Variants in CDH6 observed in about 807,000 individuals in gnomAD.
The protein encoded by CDH6 is cadherin-6.
Under a neutral mutation model 78.0 loss-of-function variants are expected in CDH6, and 31 were observed. That is an observed-to-expected ratio of 0.40 (90% confidence interval 0.30 to 0.54). The LOEUF (loss-of-function observed/expected upper bound fraction) is 0.54. Among genes scored for constraint, CDH6 ranks in the 20% least tolerant of loss-of-function variants. CDH6 has a pLI of 0.56. For synonymous variants in CDH6, 376 were observed against 368.8 expected (o/e 1.02, Z -0.23); for missense variants, 724 against 975.9 (o/e 0.74, Z 3.44).
At chr5:31,195,675 G>T (rs971406365) in intron 1 of CDH6, among the ~76,000 whole-genome samples, 1 of 152,208 alleles carries the variant, frequency 6.6e-6, no homozygotes, top group African/African-American at 2.4e-5. Context: ...CCAGAGGCCA[G>T]ATTGTCAATG....
At chr5:31,210,852 G>A (rs1226491641) in intron 1 of CDH6, among the ~76,000 whole-genome samples, 1 of 151,882 alleles carries the variant, frequency 6.6e-6, no homozygotes, top group Non-Finnish European at 1.5e-5. Flanking sequence ...CATGATTGGT[G>A]GAATCTGTGG....
chr5:31,286,912 G>C (rs1351412231), intron 2 of CDH6, among the ~76,000 whole-genome samples: 1 of 152,216 alleles, frequency 6.6e-6, no homozygotes, highest in South Asian at 2.1e-4. Flanking sequence ...TAGAGTTGGT[G>C]GCTTAATGAA....
intron 2 of CDH6, among the ~76,000 whole-genome samples, chr5:31,283,416 G>A (rs916201882): frequency 2.0e-5 from 3 of 152,096 alleles, no homozygotes; most frequent in South Asian, 2.1e-4. Flanking sequence ...CTTATTCATC[G>A]TGCCATGCTG....
rs1166753646 is a variant in CDH6 at position 31,317,785 on chromosome 5, T to C, written c.1743T>C (p.Thr581=). The change falls in exon 11 of 12, where the codon ACT becomes ACC. Residue 581 remains threonine (T), a synonymous_variant. Coordinates refer to ENST00000265071, the MANE Select transcript of CDH6 (RefSeq NM_004932.4). ...SDNDYPVQSS[T]GTVTVRVCAC... is the part of the protein sequence containing the mutation. ...ACGACTACCCAGTTCAAAGCAGCAC[T>C]GGGACAGTGACTGTCCGGGTCTGTG... The C allele has an allele frequency of 6.2e-7, 1 of 1,614,200 alleles. No homozygotes were observed. The highest frequency in any genetic ancestry group is 8.5e-7 in the Non-Finnish European group (1 of 1,180,042).
At chr5:31,263,315 A>C (rs967063987) in intron 1 of CDH6, among the ~76,000 whole-genome samples, 24 of 150,332 alleles carry the variant, frequency 1.6e-4, no homozygotes, top group Admixed American at 1.5e-3. Flanking sequence ...CTGGAGTGCA[A>C]TAGCATGATC....
intron 1 of CDH6, among the ~76,000 whole-genome samples, chr5:31,204,014 A>G (rs1010349361): frequency 3.9e-5 from 6 of 152,170 alleles, no homozygotes; most frequent in African/African-American, 1.4e-4. Flanking sequence ...GTGGTCCCAA[A>G]CCTCCAGATA....
chr5:31,326,692 T>A lies in CDH6; in HGVS notation c.*3384T>A, dbSNP rs1279856943. 6.4e-6 allele frequency: 1 copy of A among 156,066 alleles called. No individual in the cohort carries two copies. The highest frequency in any genetic ancestry group is 1.4e-5 in the Non-Finnish European group (1 of 74,062). 9.7% of individuals were successfully genotyped at this position (156,066 alleles called of 1,614,324 possible). Reference sequence around the variant, plus strand: ...CAGAAAATCTTAAAATTTTTTTTTTTTTTTTTTTTTTTTTTTTGAGACAGA... The same window carrying A: ...CAGAAAATCTTAAAATTTTTTTTTTATTTTTTTTTTTTTTTTTGAGACAGA... On this transcript the variant is annotated 3_prime_UTR_variant, in exon 12 of 12. Transcript: ENST00000265071.
chr5:31,322,379 G>A (rs1335608937), intron 11 of CDH6, among the ~76,000 whole-genome samples: 4 of 151,898 alleles, frequency 2.6e-5, no homozygotes, highest in Non-Finnish European at 5.9e-5. Flanking sequence ...TTTAGATGTG[G>A]AGTTGTGCAA....
chr5:31,257,951 C>G (rs904819414), intron 1 of CDH6, among the ~76,000 whole-genome samples: 5 of 152,144 alleles, frequency 3.3e-5, no homozygotes, highest in African/African-American at 1.2e-4. Flanking sequence ...CACTCACTAG[C>G]TATGTACTCT....
At chr5:31,280,867 ATGAGGAGAGCTTT>A (rs1421383458) in intron 2 of CDH6, among the ~76,000 whole-genome samples, 7 of 151,332 alleles carry the variant, frequency 4.6e-5, no homozygotes, top group African/African-American at 1.7e-4. Context: ...AATGAGGAGG[ATGAGGAGAGCTTT>A]TGAAATCTAA....
chr5:31,231,741 A>G (rs777045967), intron 1 of CDH6, among the ~76,000 whole-genome samples: 1 of 152,230 alleles, frequency 6.6e-6, no homozygotes, highest in Non-Finnish European at 1.5e-5. Flanking sequence ...TAATCCATGC[A>G]TGAACCTCTT....
rs967915329 is a variant in CDH6 at position 31,297,297 on chromosome 5, G to T, written c.532G>T (p.Val178Phe). 1 of 1,611,482 alleles carries T rather than the reference G, an allele frequency of 6.2e-7. No individual in the cohort carries two copies. The highest frequency in any genetic ancestry group is 8.5e-7 in the Non-Finnish European group (1 of 1,177,844). Residue 178 changes from valine (V) to phenylalanine (F), a missense_variant, in exon 4 of 12, where the codon GTT becomes TTT. Physicochemically the swap from Val to Phe is conservative, Grantham distance 50 (BLOSUM62 -1). This residue lies in a region of CDH6 where 446 missense variants were observed against 684.5 expected (regional missense o/e 0.65). Transcript: ENST00000265071. The part of the protein sequence containing the change: ...VPEMSDVGTF[V>F]VQVTATDADD... ...TATTTCTGTCATTACAGGTACATTT[G>T]TTGTCCAAGTCACTGCGACGGATGC... is the stretch of plus-strand genomic sequence containing the variant.
At chr5:31,203,573 G>C (rs1740430838) in intron 1 of CDH6, among the ~76,000 whole-genome samples, 1 of 147,166 alleles carries the variant, frequency 6.8e-6, no homozygotes, top group South Asian at 2.2e-4. Flanking sequence ...CAAAGGACAT[G>C]AACTCATCAT....
intron 1 of CDH6, among the ~76,000 whole-genome samples, chr5:31,241,207 G>A (rs914609335): frequency 6.6e-6 from 1 of 152,210 alleles, no homozygotes; most frequent in African/African-American, 2.4e-5. Context: ...TACTCTCTGT[G>A]TGGCTGGCAT....
chr5:31,227,653 C>G (rs1438492218), intron 1 of CDH6, among the ~76,000 whole-genome samples: 1 of 152,110 alleles, frequency 6.6e-6, no homozygotes, highest in African/African-American at 2.4e-5. Context: ...GAATTTACAT[C>G]CTTTTGGCCT....
chr5:31,233,520 A>AAAAC (rs1741373060), intron 1 of CDH6, among the ~76,000 whole-genome samples: 1 of 149,844 alleles, frequency 6.7e-6, no homozygotes. Flanking sequence ...GTCTCAAAAA[A>AAAAC]AAAAAACAAA....
chr5:31,322,344 A>AAAAAAGGC (rs1005269659), intron 11 of CDH6, among the ~76,000 whole-genome samples: 2 of 152,076 alleles, frequency 1.3e-5, no homozygotes, highest in Non-Finnish European at 2.9e-5. Context: ...AGGTAAAAAA[A>AAAAAAGGC]AAAAAGGCAT....
intron 1 of CDH6, among the ~76,000 whole-genome samples, chr5:31,199,685 G>GTGTACATATATATATA (rs796740950): frequency 1.3e-5 from 1 of 79,852 alleles, no homozygotes; most frequent in Non-Finnish European, 2.4e-5. Context: ...GTGTGTGTGT[G>GTGTACATATATATATA]TATATATATA....
intron 2 of CDH6, among the ~76,000 whole-genome samples, chr5:31,270,988 C>T (rs1315711538): frequency 1.3e-5 from 2 of 152,170 alleles, no homozygotes. Flanking sequence ...CTAATAGAAC[C>T]TTTAATCATG....
Sources: gnomAD v4.1 joint callset for allele counts (sites outside exome capture counted in the v4.1 genomes callset) on GRCh38, gnomAD v4.1.1 for gene constraint, gnomAD v4.1.1 regional missense constraint, MANE v1.5 for transcripts, NCBI Gene and HGNC (gene_info 2026-07-23, HGNC 2026-07-21) for gene names.